The following RSRP1 variants were observed in gnomAD, a reference collection of about 807,000 sequenced individuals.
RSRP1 encodes arginine/serine-rich protein 1.
A neutral mutation model predicts 33.0 loss-of-function variants in RSRP1; 37 were observed. The observed-to-expected ratio is 1.12, with a 90% confidence interval of 0.86 to 1.48. The LOEUF (loss-of-function observed/expected upper bound fraction) is 1.48. Among genes scored for constraint, RSRP1 ranks in the 40% most tolerant of loss-of-function variants. RSRP1 has a pLI of 0.00. For missense variants in RSRP1, 402 were observed against 385.3 expected (o/e 1.04, Z -0.36); for synonymous variants, 167 against 158.7 (o/e 1.05, Z -0.40).
At chr1:25,308,027 G>C (rs1643943442) in intron 1 of RSRP1, among the ~76,000 whole-genome samples, 1 of 28,228 alleles carries the variant, frequency 3.5e-5, no homozygotes, top group South Asian at 2.8e-3. Flanking sequence ...GAACAGGCAG[G>C]GGAAGTTAGA....
chr1:25,244,691 A>C (rs1639198010), intron 3 of RSRP1: 1 of 1,191,516 alleles, frequency 8.4e-7, no homozygotes. Flanking sequence ...GAAAAAAATA[A>C]ATGTATTTTT....
At chr1:25,262,885 A>G (rs541357023) in intron 1 of RSRP1, among the ~76,000 whole-genome samples, 82 of 152,300 alleles carry the variant, frequency 5.4e-4, no homozygotes, top group African/African-American at 1.9e-3. Flanking sequence ...TCAGTCATAT[A>G]TCAATCTCTT....
rs757208592 is a variant in RSRP1, at chr1:25,246,583, G to C, written c.381C>G (p.Cys127Trp). The stretch of plus-strand genomic sequence containing the variant: ...CCCGCGCGATCGCGTACGCCCTTCC[G>C]CAGTACGACCTTCCCCGAGAGCGCG... ...SRSRSRGRSY[C>W]GRAYAIARGQ... Residue 127 changes from cysteine (C) to tryptophan (W), a missense_variant, in exon 2 of 5, where the codon TGC becomes TGG. Physicochemically the swap from Cys to Trp is radical, Grantham distance 215 (BLOSUM62 -2). Coordinates refer to ENST00000243189, the MANE Select transcript of RSRP1 (RefSeq NM_020317.5). The C allele has an allele frequency of 1.9e-6, 3 of 1,614,156 alleles. No individual in the cohort carries two copies. The highest frequency in any genetic ancestry group is 2.5e-6 in the Non-Finnish European group (3 of 1,180,038).
intron 1 of RSRP1, among the ~76,000 whole-genome samples, chr1:25,257,256 G>T (rs1444925074): frequency 1.3e-5 from 2 of 152,146 alleles, no homozygotes; most frequent in Non-Finnish European, 2.9e-5. Context: ...TATCACGCTT[G>T]TAATTAAATA....
chr1:25,286,709 C>T (rs1395879503), intron 1 of RSRP1, among the ~76,000 whole-genome samples: 3 of 133,850 alleles, frequency 2.2e-5, no homozygotes, highest in Admixed American at 2.2e-4. Context: ...TGGCGTGAAC[C>T]CGGGAGGCGG....
chr1:25,331,888 C>T (rs1376046649), intron 1 of RSRP1, among the ~76,000 whole-genome samples: 1 of 127,952 alleles, frequency 7.8e-6, no homozygotes, highest in Non-Finnish European at 1.8e-5. Context: ...TACAGGCGCC[C>T]GCCACTACGC....
In RSRP1 at chr1:25,246,598, C is replaced by G. The variant is rs1221270527; in HGVS notation, c.366G>C (p.Arg122=). The change falls in exon 2 of 5, where the codon CGG becomes CGC. Residue 122 remains arginine, a synonymous_variant. Coordinates refer to ENST00000243189, the MANE Select transcript of RSRP1 (RefSeq NM_020317.5). ...RSRSRSRSRS[R]GRSYCGRAYA... is the part of the protein sequence containing the mutation. ...ACGCCCTTCCGCAGTACGACCTTCC[C>G]CGAGAGCGCGACCTGCTACGGGACC... 3 of 1,614,060 alleles carry G rather than the reference C, an allele frequency of 1.9e-6. No homozygotes were observed. The highest frequency in any genetic ancestry group is 1.7e-6 in the Non-Finnish European group (2 of 1,180,054).
rs1021420680 is a variant in RSRP1, at chr1:25,271,706, A to G, written c.-66-24677T>C. ...TCCCAAGCCCCCTAAAGCTCATGCC[A>G]GGGGACTGGACTGTCCAGTACTGAG... On this transcript the variant is annotated intron_variant, in intron 1 of 1. Transcript: ENST00000561867. Among the ~76,000 whole-genome samples, 40 of 131,988 alleles carry G rather than the reference A, an allele frequency of 3.0e-4. 13 individuals carry two copies. The highest frequency in any genetic ancestry group is 6.6e-4 in the Non-Finnish European group (37 of 55,666). The allele number at this position is 131,988 out of a possible 152,430, so 86.6% of individuals were successfully genotyped here. A position where few individuals can be genotyped will look rare whatever the true frequency, so the allele number is the denominator to read the frequency against.
At chr1:25,301,804 G>A in intron 1 of RSRP1, 3 of 801,612 alleles carry the variant, frequency 3.7e-6, no homozygotes, top group Non-Finnish European at 6.3e-6. Context: ...GGGTGGTGGA[G>A]CTGTGCCTGC....
At chr1:25,280,967 A>T (rs1169073216) in intron 1 of RSRP1, among the ~76,000 whole-genome samples, 1 of 129,094 alleles carries the variant, frequency 7.7e-6, no homozygotes, top group East Asian at 2.0e-4. Context: ...TATCCAGGCA[A>T]CTCTCCTCTC....
upstream of RSRP1, among the ~76,000 whole-genome samples, chr1:25,249,114 A>T (rs1247471076): frequency 1.3e-5 from 2 of 152,208 alleles, no homozygotes; most frequent in African/African-American, 4.8e-5. Flanking sequence ...GCAACACTGC[A>T]ACCCAACCTG....
At chr1:25,316,331 T>G (rs1644435594) in intron 1 of RSRP1, among the ~76,000 whole-genome samples, 1 of 128,812 alleles carries the variant, frequency 7.8e-6, no homozygotes, top group South Asian at 2.4e-4. Context: ...ACGAGAAAAC[T>G]GGGGCTGGCC....
chr1:25,243,812 T>C (rs903043282), intron 3 of RSRP1, 179 bp from the exon 4 acceptor site: 5 of 1,353,208 alleles, frequency 3.7e-6, no homozygotes, highest in Admixed American at 6.5e-5. Flanking sequence ...GATTTAATAT[T>C]AGGCTTAAGA....
chr1:25,244,853 T>C (rs1191048277), intron 3 of RSRP1: 31 of 1,048,568 alleles, frequency 3.0e-5, no homozygotes, highest in Admixed American at 1.9e-4. Context: ...CTGGCTAATT[T>C]TTGTATTTTT....
chr1:25,309,674 G>C (rs952188511), intron 1 of RSRP1, among the ~76,000 whole-genome samples: 1 of 131,994 alleles, frequency 7.6e-6, no homozygotes, highest in African/African-American at 2.6e-5. Context: ...GGACAGGCCT[G>C]CCTAGTTTGA....
At chr1:25,320,552 A>C (rs1422994928) in intron 1 of RSRP1, among the ~76,000 whole-genome samples, 2 of 131,866 alleles carry the variant, frequency 1.5e-5, no homozygotes, top group African/African-American at 5.2e-5. Context: ...GGGAAATACG[A>C]ATCTCACTAA....
chr1:25,309,786 C>T (rs1347113394), intron 1 of RSRP1, among the ~76,000 whole-genome samples: 1 of 132,072 alleles, frequency 7.6e-6, no homozygotes, highest in African/African-American at 2.6e-5. Context: ...TAATAGCTCA[C>T]TCACAGGGCT....
chr1:25,284,339 C>T (rs1246993527), intron 1 of RSRP1, among the ~76,000 whole-genome samples: 5 of 135,824 alleles, frequency 3.7e-5, no homozygotes, highest in Admixed American at 7.1e-5. Flanking sequence ...GCCCTAAGTG[C>T]TTAATTAGCT....
rs181096305 is a variant in RSRP1, at chr1:25,266,745, C to G, written c.-66-19716G>C. ...TGAAGTGAAAGGGGGTTCTGCTCCG[C>G]GACCACTTCCTGGATCTCCCCCTCC... On this transcript the variant is annotated intron_variant, in intron 1 of 1. Coordinates refer to the RSRP1 transcript ENST00000561867. 2 of 159,524 alleles carry G rather than the reference C, an allele frequency of 1.3e-5. 1 individual carries two copies. The highest frequency in any genetic ancestry group is 2.9e-5 in the Non-Finnish European group (2 of 69,990). The allele number at this position is 159,524 out of a possible 1,614,324, so 9.9% of individuals were successfully genotyped here.
Sources: gnomAD v4.1 joint callset for allele counts (sites outside exome capture counted in the v4.1 genomes callset) on GRCh38, gnomAD v4.1.1 for gene constraint, MANE v1.5 for transcripts, NCBI Gene and HGNC (gene_info 2026-07-23, HGNC 2026-07-21) for gene names.